The following ATP2B2 variants were observed in gnomAD, a reference collection of about 807,000 sequenced individuals.
ATP2B2 encodes the protein ATPase plasma membrane Ca2+ transporting 2, also known as plasma membrane calcium-transporting ATPase 2.
ATP2B2 carries 15 observed loss-of-function variants against 120.0 expected under a neutral mutation model. The ratio of observed to expected loss-of-function variants is 0.12; its 90% CI spans 0.08 to 0.19. ATP2B2 has a LOEUF of 0.19. Ranked by LOEUF, ATP2B2 falls within the 10% of genes least tolerant of loss-of-function variation. The pLI is 1.00. For missense variants in ATP2B2, 1,045 were observed against 1,719.8 expected (o/e 0.61, Z 6.94); for synonymous variants, 694 against 700.3 (o/e 0.99, Z 0.14).
chr3:10,521,924 C>A (rs1217080701), intron 3 of ATP2B2, among the ~76,000 whole-genome samples: 1 of 152,074 alleles, frequency 6.6e-6, no homozygotes, highest in Non-Finnish European at 1.5e-5. Context: ...TGAGAGTCAG[C>A]GAGGGGAGGT....
intron 2 of ATP2B2, among the ~76,000 whole-genome samples, chr3:10,420,754 G>C (rs1168582894): frequency 6.6e-6 from 1 of 152,252 alleles, no homozygotes; most frequent in African/African-American, 2.4e-5. Flanking sequence ...CTGGCACATG[G>C]GAAGGCCTTG....
intron 22 of ATP2B2, chr3:10,336,239 G>T: frequency 1.3e-6 from 2 of 1,550,620 alleles, no homozygotes; most frequent in Non-Finnish European, 1.7e-6. Flanking sequence ...GGTGACCGAG[G>T]ACTGTCTCCG....
intron 2 of ATP2B2, among the ~76,000 whole-genome samples, chr3:10,597,639 G>A (rs2068805302): frequency 6.6e-6 from 1 of 152,208 alleles, no homozygotes; most frequent in Non-Finnish European, 1.5e-5. Flanking sequence ...TGTCAGGTCT[G>A]GAGCCAGACT....
Position 10,332,687 on chromosome 3 carries a change from G to T in ATP2B2, c.3421-3562C>A. ...AGCCTCTGTGGCTCCAGGTCTGTGG[G>T]CCTCCTGGGAAGCGGTGTGACTAGT... On this transcript the variant is annotated intron_variant, in intron 22 of 22. Coordinates refer to ENST00000360273, the MANE Select transcript of ATP2B2 (RefSeq NM_001001331.4). Among the ~76,000 whole-genome samples, 2 of 152,166 alleles carry T rather than the reference G, an allele frequency of 1.3e-5. 1 individual carries two copies. The highest frequency in any genetic ancestry group is 2.9e-5 in the Non-Finnish European group (2 of 68,040).
At chr3:10,686,677 T>C (rs2071533284) in intron 1 of ATP2B2, among the ~76,000 whole-genome samples, 2 of 151,986 alleles carry the variant, frequency 1.3e-5, no homozygotes, top group African/African-American at 2.4e-5. Context: ...CACGCAATCA[T>C]TCAGCACTTT....
chr3:10,633,276 AT>A (rs1460211378), intron 1 of ATP2B2, among the ~76,000 whole-genome samples: 1 of 152,060 alleles, frequency 6.6e-6, no homozygotes, highest in African/African-American at 2.4e-5. Flanking sequence ...CATGAATGCT[AT>A]TTCTCCCACC....
chr3:10,368,727 C>T (rs919205764), intron 12 of ATP2B2, among the ~76,000 whole-genome samples: 1 of 152,008 alleles, frequency 6.6e-6, no homozygotes, highest in African/African-American at 2.4e-5. Flanking sequence ...ATCTATTCAT[C>T]CACCCACTCA....
intron 5 of ATP2B2, among the ~76,000 whole-genome samples, chr3:10,396,730 G>C (rs917560818): frequency 6.6e-6 from 1 of 152,230 alleles, no homozygotes. Context: ...GAAGAGGAAG[G>C]GGGTAGCCCA....
At chr3:10,606,915 AG>A (rs2069089234) in intron 2 of ATP2B2, among the ~76,000 whole-genome samples, 1 of 42,012 alleles carries the variant, frequency 2.4e-5, no homozygotes, top group African/African-American at 9.5e-5. Flanking sequence ...ACACACACAG[AG>A]AGAGAGAGAG....
At chr3:10,406,805 C>T (rs1388217938) in intron 3 of ATP2B2, among the ~76,000 whole-genome samples, 1 of 152,242 alleles carries the variant, frequency 6.6e-6, no homozygotes, top group Non-Finnish European at 1.5e-5. Flanking sequence ...TGCCACTGAC[C>T]AGCCCTGTCT....
At chr3:10,364,419 C>T (rs1246065908) in intron 12 of ATP2B2, among the ~76,000 whole-genome samples, 2 of 152,040 alleles carry the variant, frequency 1.3e-5, no homozygotes, top group Non-Finnish European at 2.9e-5. Context: ...ACTTAAAAAG[C>T]TCCTAAACAG....
chr3:10,583,231 G>A (rs750621011), intron 2 of ATP2B2, among the ~76,000 whole-genome samples: 2 of 152,202 alleles, frequency 1.3e-5, no homozygotes, highest in Non-Finnish European at 2.9e-5. Flanking sequence ...CCCGTGGCTT[G>A]GAAGGATTGC....
At chr3:10,607,894 G>A (rs1411748609) in intron 2 of ATP2B2, among the ~76,000 whole-genome samples, 1 of 152,088 alleles carries the variant, frequency 6.6e-6, no homozygotes, top group Admixed American at 6.5e-5. Context: ...ATACTATATC[G>A]AAGTCAGGTC....
At chr3:10,675,780 C>T (rs2071225735) in intron 1 of ATP2B2, among the ~76,000 whole-genome samples, 1 of 152,216 alleles carries the variant, frequency 6.6e-6, no homozygotes, top group African/African-American at 2.4e-5. Context: ...GACACTCCAG[C>T]CACATGCAAG....
chr3:10,490,926 C>A (rs1167503544), intron 1 of ATP2B2, among the ~76,000 whole-genome samples: 5 of 152,236 alleles, frequency 3.3e-5, no homozygotes, highest in African/African-American at 1.2e-4. Context: ...AAGGAAGCAG[C>A]TTTTCAGCTT....
rs7643305 is a variant in ATP2B2, at chr3:10,621,953, G to A, written c.-459-1992C>T. Among the ~76,000 whole-genome samples the A allele has an allele frequency of 7.5e-3, 1,149 of 152,328 alleles. 14 individuals carry two copies. The highest frequency in any genetic ancestry group is 0.026 in the African/African-American group (1,099 of 41,572). On this transcript the variant is annotated intron_variant, in intron 1 of 21. Transcript: ENST00000646379. ...AGCGCCCCATTAAGCTTTATCTGGAGCAGCACTAGCTGCACGGTCATTGAG... is the reference window on the plus strand; with the variant it reads ...AGCGCCCCATTAAGCTTTATCTGGAACAGCACTAGCTGCACGGTCATTGAG...
intron 1 of ATP2B2, among the ~76,000 whole-genome samples, chr3:10,479,638 T>C (rs922878389): frequency 6.6e-6 from 1 of 152,158 alleles, no homozygotes; most frequent in East Asian, 1.9e-4. Flanking sequence ...ATATTATATA[T>C]ATACTTACTG....
intron 1 of ATP2B2, among the ~76,000 whole-genome samples, chr3:10,644,625 T>C (rs1381558037): frequency 6.6e-6 from 1 of 152,192 alleles, no homozygotes; most frequent in Non-Finnish European, 1.5e-5. Flanking sequence ...AAATGCTAAA[T>C]GAAAAAGGGC....
intron 8 of ATP2B2, among the ~76,000 whole-genome samples, 197 bp from the exon 9 acceptor site, chr3:10,379,481 C>A (rs1234984065): frequency 2.6e-5 from 4 of 152,216 alleles, no homozygotes; most frequent in Non-Finnish European, 2.9e-5. Context: ...GCTGTGGGGC[C>A]TGCCAGCCGG....
Sources: allele counts gnomAD v4.1 joint callset (sites outside exome capture counted in the v4.1 genomes callset), GRCh38; gene constraint gnomAD v4.1.1; transcripts MANE v1.5; gene names NCBI Gene and HGNC (gene_info 2026-07-23, HGNC 2026-07-21).